Variants in REV1 observed in about 807,000 individuals in gnomAD.
REV1 encodes REV1 DNA directed polymerase.
Under a neutral mutation model 137.4 loss-of-function variants are expected in REV1, and 42 were observed. That is an observed-to-expected ratio of 0.31 (90% CI 0.24 to 0.40). REV1 has a LOEUF of 0.40. Ranked by LOEUF, REV1 falls within the 10% of genes least tolerant of loss-of-function variation. The pLI, the probability that REV1 is intolerant of heterozygous loss-of-function variation, is 1.00. For missense variants in REV1, 1,282 were observed against 1,490.1 expected (o/e 0.86, Z 2.30); for synonymous variants, 524 against 519.2 (o/e 1.01, Z -0.12).
rs141585958 is a variant in REV1, at chr2:99,437,618, C to T, written c.1213+983G>A. Among the ~76,000 whole-genome samples, 945 of 152,246 alleles carry T rather than the reference C, an allele frequency of 6.2e-3. 7 individuals carry two copies. Among genetic ancestry groups the T allele is most frequent in the African/African-American group, 0.021 (864 of 41,534 alleles). ...TTAAACATTCAAGTAGTACAGAATG[C>T]ATAAGCCAGTATCTACCAAATGCTT... On this transcript the variant is annotated intron_variant, in intron 6 of 22. Coordinates refer to ENST00000258428, the MANE Select transcript of REV1 (RefSeq NM_016316.4).
At chr2:99,437,322 C>T (rs1559346211) in intron 6 of REV1, among the ~76,000 whole-genome samples, 1 of 152,078 alleles carries the variant, frequency 6.6e-6, no homozygotes, top group Non-Finnish European at 1.5e-5. Context: ...ATGAGGCAAA[C>T]ATCATGGACT....
intron 3 of REV1, among the ~76,000 whole-genome samples, chr2:99,460,027 C>T (rs1168967254): frequency 6.6e-6 from 1 of 152,190 alleles, no homozygotes; most frequent in Non-Finnish European, 1.5e-5. Flanking sequence ...AACTGCATCT[C>T]CCAGGTTTGC....
chr2:99,407,878 A>G (rs997057274), intron 15 of REV1, 151 bp downstream of exon 15: 3 of 420,878 alleles, frequency 7.1e-6, no homozygotes, highest in Non-Finnish European at 1.3e-5. Context: ...GAAGTCAAGA[A>G]TTTTTGTTTC....
chr2:99,467,022 C>G (rs890458737), intron 1 of REV1, among the ~76,000 whole-genome samples: 1 of 152,130 alleles, frequency 6.6e-6, no homozygotes, highest in African/African-American at 2.4e-5. Context: ...TTTGGGAGTT[C>G]TGGCCATTAT....
At chr2:99,474,092 T>A (rs574264981) in intron 1 of REV1, among the ~76,000 whole-genome samples, 30 of 152,368 alleles carry the variant, frequency 2.0e-4, no homozygotes, top group African/African-American at 5.8e-4. Context: ...TAACTGACAC[T>A]TTATATTTCC....
rs1285430718 is a variant in REV1 at position 99,408,068 on chromosome 2, C to T, written c.2409G>A (p.Met803Ile). 4 of 1,609,788 alleles carry T rather than the reference C, an allele frequency of 2.5e-6. No individual in the cohort carries two copies. Among genetic ancestry groups the T allele is most frequent in the Non-Finnish European group, 2.5e-6 (3 of 1,177,886 alleles). Residue 803 changes from methionine (M) to isoleucine (I), a missense_variant, in exon 15 of 23, where the codon ATG (methionine) becomes ATA (isoleucine). Met to Ile is a conservative substitution (Grantham distance 10). Transcript: ENST00000258428. Reference protein sequence around the residue: ...AKIIGKAMLNMFHTMKLNISD... With the variant: ...AKIIGKAMLNIFHTMKLNISD... ...ATATATTTAGTTTCATTGTATGAAA[C>T]ATGTTTAGCATCGCCTTTCCAATTA... is the stretch of plus-strand genomic sequence containing the variant.
At chr2:99,457,384 T>C (rs1000706447) in intron 3 of REV1, among the ~76,000 whole-genome samples, 3 of 152,192 alleles carry the variant, frequency 2.0e-5, no homozygotes, top group Admixed American at 6.5e-5. Flanking sequence ...AAATGACTTA[T>C]TTTAACATTT....
At chr2:99,458,257 A>T (rs1485599015) in intron 3 of REV1, among the ~76,000 whole-genome samples, 1 of 152,246 alleles carries the variant, frequency 6.6e-6, no homozygotes, top group Non-Finnish European at 1.5e-5. Context: ...AAAAATACTA[A>T]ATCCAATTAG....
At chr2:99,405,165 C>T (rs1243234586) in intron 17 of REV1, 2 of 160,592 alleles carry the variant, frequency 1.2e-5, no homozygotes, top group East Asian at 1.9e-4. Context: ...GAAAGGGTTT[C>T]TAGAAGCTGA....
intron 1 of REV1, among the ~76,000 whole-genome samples, chr2:99,483,745 G>T (rs1686860185): frequency 6.6e-6 from 1 of 152,058 alleles, no homozygotes; most frequent in African/African-American, 2.4e-5. Flanking sequence ...AGTGTTGCTG[G>T]TCTTTCCCTC....
chr2:99,435,325 C>G (rs1251672045), intron 7 of REV1: 1 of 152,244 alleles, frequency 6.6e-6, no homozygotes, highest in East Asian at 1.9e-4. Context: ...AAAATACTGA[C>G]TAGTTCACAA....
At chr2:99,408,235 A>G (rs1676616621) in intron 14 of REV1, 104 bp from the exon 15 acceptor site, 1 of 560,190 alleles carries the variant, frequency 1.8e-6, no homozygotes, top group East Asian at 3.1e-5. Context: ...AGTTGTAAAC[A>G]GTTACAAAGA....
At chr2:99,409,665 G>A (rs770884038) in intron 14 of REV1, among the ~76,000 whole-genome samples, 17 of 152,046 alleles carry the variant, frequency 1.1e-4, no homozygotes, top group Non-Finnish European at 2.4e-4. Context: ...CCAACATAGT[G>A]AAACCCTATC....
intron 8 of REV1, chr2:99,431,634 C>T (rs1680145645): frequency 1.4e-6 from 1 of 723,750 alleles, no homozygotes; most frequent in South Asian, 6.2e-5. Flanking sequence ...TTGAAAATAA[C>T]AGAAAACTTA....
rs570714798 is a variant in REV1, at chr2:99,488,275, G to A, written c.-11+1542C>T. Reference sequence around the variant, plus strand: ...AAGTTGCGAGTGGGAAGTTGGAAATGTAGTGATCTTATATATTCAAGCACA... The same window carrying A: ...AAGTTGCGAGTGGGAAGTTGGAAATATAGTGATCTTATATATTCAAGCACA... On this transcript the variant is annotated intron_variant, in intron 1 of 22. Transcript: ENST00000258428. 5.9e-5 allele frequency among the ~76,000 whole-genome samples: 7 copies of A among 119,430 alleles called. 1 individual carries two copies. In the East Asian group the frequency reaches 1.6e-3, roughly 27 times the overall value. 78.4% of individuals were successfully genotyped at this position (119,430 alleles called of 152,430 possible).
chr2:99,461,329 G>A (rs758283302), intron 3 of REV1, among the ~76,000 whole-genome samples: 3 of 152,182 alleles, frequency 2.0e-5, no homozygotes, highest in Non-Finnish European at 2.9e-5. Flanking sequence ...TCACTGTAGA[G>A]GCACTAAGGA....
intron 1 of REV1, among the ~76,000 whole-genome samples, chr2:99,478,625 T>A (rs1686244833): frequency 6.6e-6 from 1 of 152,168 alleles, no homozygotes; most frequent in African/African-American, 2.4e-5. Flanking sequence ...GCAGAAGAGC[T>A]AGTAACAGGA....
At chr2:99,442,291 A>G in intron 5 of REV1, 26 bp downstream of exon 5, 1 of 1,359,436 alleles carries the variant, frequency 7.4e-7, no homozygotes, top group Non-Finnish European at 1.0e-6. Context: ...CCAGCTTTGC[A>G]GTAATCCCCA....
rs146377515 is a variant in REV1 at position 99,401,292 on chromosome 2, A to G, written c.3705T>C (p.Asn1235=). 3,661 of 1,613,922 alleles carry G rather than the reference A, an allele frequency of 2.3e-3. 87 individuals carry two copies. Among genetic ancestry groups the G allele is most frequent in the Non-Finnish European group, 2.1e-4 (243 of 1,179,862 alleles). ...AAGTTTGTTGTAAAACCACCTGGAC[A>G]TTGTCAAGAATAAAGTCAAATGCCA... The part of the protein sequence containing the change: ...WNMAFDFILD[N]VQVVLQQTYG... Residue 1235 remains asparagine (N), a synonymous_variant, in exon 23 of 23, where the codon AAT becomes AAC. Coordinates refer to ENST00000258428, the MANE Select transcript of REV1 (RefSeq NM_016316.4).
Sources: allele counts gnomAD v4.1 joint callset (sites outside exome capture counted in the v4.1 genomes callset), GRCh38; gene constraint gnomAD v4.1.1; transcripts MANE v1.5; gene names NCBI Gene and HGNC (gene_info 2026-07-23, HGNC 2026-07-21).